The following SMOC1 variants were observed in gnomAD, a reference collection of about 807,000 sequenced individuals.
SMOC1 encodes the protein SPARC related modular calcium binding 1.
A neutral mutation model predicts 56.3 loss-of-function variants in SMOC1; 22 were observed. That is an observed-to-expected ratio of 0.39 (90% confidence interval 0.28 to 0.56). The LOEUF is 0.56. Among genes scored for constraint, SMOC1 ranks in the 20% least tolerant of loss-of-function variants. SMOC1 has a pLI of 0.61. For missense variants in SMOC1, 509 were observed against 565.4 expected (o/e 0.90, Z 1.01); for synonymous variants, 193 against 215.0 (o/e 0.90, Z 0.89).
rs77402966 is a variant in SMOC1 at position 69,964,162 on chromosome 14, G to A, written c.378+10630G>A. Reference sequence around the variant, plus strand: ...TTTGGGTGCTCCCAGCTGGGCATCCGAGCTCCCTGTAGCCCTTAGTGATTC... The same window carrying A: ...TTTGGGTGCTCCCAGCTGGGCATCCAAGCTCCCTGTAGCCCTTAGTGATTC... On this transcript the variant is annotated intron_variant, in intron 3 of 11. Coordinates refer to ENST00000361956, the MANE Select transcript of SMOC1 (RefSeq NM_001034852.3). 1.4e-3 allele frequency among the ~76,000 whole-genome samples: 212 copies of A among 152,274 alleles called. 2 individuals are homozygous for A. The highest frequency in any genetic ancestry group is 4.9e-3 in the African/African-American group (202 of 41,566).
chr14:70,011,649 T>TCTTTGTCTGTTTCCC, intron 9 of SMOC1, 82 bp downstream of exon 9: 2 of 1,316,314 alleles, frequency 1.5e-6, no homozygotes, highest in Non-Finnish European at 2.2e-6. Context: ...AGCTGTCTCC[T>TCTTTGTCTGTTTCCC]CTTTGTCTGT....
intron 3 of SMOC1, among the ~76,000 whole-genome samples, chr14:69,965,222 A>G (rs1287024369): frequency 6.6e-6 from 1 of 152,018 alleles, no homozygotes; most frequent in Non-Finnish European, 1.5e-5. Context: ...CACTAAAAAC[A>G]CACAAAAAAT....
intron 1 of SMOC1, among the ~76,000 whole-genome samples, chr14:69,929,250 C>T (rs899734001): frequency 1.3e-5 from 2 of 152,202 alleles, no homozygotes; most frequent in African/African-American, 2.4e-5. Context: ...CCATCTGCCT[C>T]CCCCAAACAA....
chr14:69,994,491 T>A lies in SMOC1; in HGVS notation c.664+11T>A, dbSNP rs1884695427. ...ACATAAGAAATTCAGGTAAATAACC[T>A]TCCTTGGATTATATATGTACCCAGT... On this transcript the variant is annotated intron_variant, in intron 7 of 11. Coordinates refer to ENST00000361956, the MANE Select transcript of SMOC1 (RefSeq NM_001034852.3). 1 of 1,601,862 alleles carries A rather than the reference T, an allele frequency of 6.2e-7. No individual in the cohort carries two copies. Among genetic ancestry groups the A allele is most frequent in the Non-Finnish European group, 8.6e-7 (1 of 1,169,298 alleles).
chr14:69,986,948 T>G (rs537359264), intron 5 of SMOC1, among the ~76,000 whole-genome samples: 140 of 152,344 alleles, frequency 9.2e-4, no homozygotes, highest in Non-Finnish European at 1.7e-3. Context: ...TTTCTGAGCC[T>G]CGCTGGTCAT....
At chr14:69,956,249 C>T (rs1399733077) in intron 3 of SMOC1, among the ~76,000 whole-genome samples, 3 of 152,192 alleles carry the variant, frequency 2.0e-5, no homozygotes, top group Non-Finnish European at 4.4e-5. Context: ...CTCTGGTGGG[C>T]AGCCAGACGG....
At chr14:69,992,668 C>T (rs1370571325) in intron 6 of SMOC1, among the ~76,000 whole-genome samples, 195 bp downstream of exon 6, 1 of 152,252 alleles carries the variant, frequency 6.6e-6, no homozygotes, top group Non-Finnish European at 1.5e-5. Context: ...ACACTCTCCA[C>T]TTCTGGAAGG....
chr14:69,895,669 A>G (rs1884075764), intron 1 of SMOC1, among the ~76,000 whole-genome samples: 1 of 152,132 alleles, frequency 6.6e-6, no homozygotes, highest in African/African-American at 2.4e-5. Context: ...AAATGAACAG[A>G]GATCAGGATG....
In SMOC1 at chr14:69,994,417, C is replaced by T. The variant is rs768438641; in HGVS notation, c.601C>T (p.Leu201=). Residue 201 remains leucine (L), a synonymous_variant, in exon 7 of 12, where the codon CTA becomes TTA. Transcript: ENST00000361956. ...ACCCCTAGAAATCACAGCCCCAACT[C>T]TATGGATTAAACACTTGGTGATCAA... is the stretch of plus-strand genomic sequence containing the variant. ...FDGDEITAPT[L]WIKHLVIKDS... is the part of the protein sequence containing the mutation. 3.7e-6 allele frequency: 6 copies of T among 1,613,966 alleles called. No homozygotes were observed. The South Asian group carries it at 6.6e-5, about 18-fold the overall frequency.
intron 11 of SMOC1, among the ~76,000 whole-genome samples, chr14:70,027,113 G>T (rs1213387543): frequency 6.6e-6 from 1 of 152,190 alleles, no homozygotes; most frequent in African/African-American, 2.4e-5. Context: ...AGGACACACT[G>T]CTCTGGACCC....
intron 1 of SMOC1, among the ~76,000 whole-genome samples, chr14:69,949,199 G>T (rs549773543): frequency 6.6e-6 from 1 of 152,214 alleles, no homozygotes; most frequent in African/African-American, 2.4e-5. Flanking sequence ...CAATGCAGAA[G>T]TGGGATGGGA....
At chr14:69,971,263 C>T (rs1883753723) in intron 3 of SMOC1, among the ~76,000 whole-genome samples, 1 of 152,234 alleles carries the variant, frequency 6.6e-6, no homozygotes, top group Admixed American at 6.5e-5. Flanking sequence ...AGTGATCTGC[C>T]TGCCTCGGCC....
intron 3 of SMOC1, among the ~76,000 whole-genome samples, chr14:69,956,389 G>A (rs545942081): frequency 1.5e-4 from 22 of 150,624 alleles, no homozygotes; most frequent in African/African-American, 5.4e-4. Flanking sequence ...TTGACTGGCT[G>A]CCAAAATGCC....
intron 1 of SMOC1, among the ~76,000 whole-genome samples, chr14:69,908,182 A>G (rs1357476714): frequency 6.6e-6 from 1 of 151,932 alleles, no homozygotes; most frequent in Admixed American, 6.5e-5. Context: ...GTAGAGACCC[A>G]TTTTGTAAAG....
chr14:70,000,870 G>A (rs1884942607), intron 7 of SMOC1, among the ~76,000 whole-genome samples: 1 of 152,208 alleles, frequency 6.6e-6, no homozygotes, highest in South Asian at 2.1e-4. Flanking sequence ...CCTACTTACA[G>A]TGCCAACTGT....
intron 1 of SMOC1, among the ~76,000 whole-genome samples, chr14:69,922,447 A>C (rs1420212955): frequency 6.6e-6 from 1 of 152,200 alleles, no homozygotes; most frequent in African/African-American, 2.4e-5. Flanking sequence ...TTCTGCTACA[A>C]GAACTGGCTT....
rs150582845 is a variant in SMOC1, at chr14:69,960,911, A to G, written c.378+7379A>G. Among the ~76,000 whole-genome samples the G allele has an allele frequency of 8.6e-3, 1,313 of 152,198 alleles. 24 individuals carry two copies. The highest frequency in any genetic ancestry group is 0.03 in the African/African-American group (1,251 of 41,518). On this transcript the variant is annotated intron_variant, in intron 3 of 11. Coordinates refer to ENST00000361956, the MANE Select transcript of SMOC1 (RefSeq NM_001034852.3). ...TCTTTAAAATAATAACTGTATTGAC[A>G]TATAATTTGTGCATCATAAAAGTTA...
intron 3 of SMOC1, among the ~76,000 whole-genome samples, chr14:69,959,055 G>T (rs563234126): frequency 5.9e-5 from 9 of 152,266 alleles, no homozygotes; most frequent in Middle Eastern, 3.4e-3. Flanking sequence ...CCCTGAAATA[G>T]CAACAGTTAA....
At chr14:69,921,225 C>T (rs1166759236) in intron 1 of SMOC1, among the ~76,000 whole-genome samples, 1 of 152,186 alleles carries the variant, frequency 6.6e-6, no homozygotes, top group African/African-American at 2.4e-5. Context: ...CAGCCCCCAG[C>T]GCCGCAGACT....
Sources: allele counts gnomAD v4.1 joint callset (sites outside exome capture counted in the v4.1 genomes callset), GRCh38; gene constraint gnomAD v4.1.1; transcripts MANE v1.5; gene names NCBI Gene and HGNC (gene_info 2026-07-23, HGNC 2026-07-21).